The following FRMD4A variants were observed in gnomAD, a reference collection of about 807,000 sequenced individuals.
FRMD4A encodes FERM domain containing 4A.
Under a neutral mutation model 129.1 loss-of-function variants are expected in FRMD4A, and 29 were observed. The observed-to-expected ratio is 0.22, with a 90% CI of 0.17 to 0.31. The LOEUF is 0.31. Among genes scored for constraint, FRMD4A ranks in the 10% least tolerant of loss-of-function variants. The probability of loss-of-function intolerance (pLI) is 1.00; values close to 1 mark genes in which losing one functional copy is unlikely to be tolerated. For missense variants in FRMD4A, 1,272 were observed against 1,375.8 expected (o/e 0.92, Z 1.19); for synonymous variants, 634 against 571.6 (o/e 1.11, Z -1.56).
At chr10:14,317,161 A>G (rs1250980708) in intron 2 of FRMD4A, among the ~76,000 whole-genome samples, 1 of 152,172 alleles carries the variant, frequency 6.6e-6, no homozygotes, top group Non-Finnish European at 1.5e-5. Context: ...CCCACTTAAA[A>G]TCATTGATGA....
chr10:14,174,883 G>GTGTC (rs1285998692), intron 2 of FRMD4A, among the ~76,000 whole-genome samples: 2 of 41,830 alleles, frequency 4.8e-5, no homozygotes, highest in African/African-American at 9.8e-5. Flanking sequence ...GTGTGTCTGT[G>GTGTC]TGTGTGTGTG....
At chr10:13,692,320 G>A (rs1323647229) in intron 15 of FRMD4A, 1 of 151,862 alleles carries the variant, frequency 6.6e-6, no homozygotes, top group African/African-American at 2.4e-5. Flanking sequence ...GCTAATTTTT[G>A]TATTTTTAGT....
chr10:14,045,831 T>C (rs1833969802), intron 2 of FRMD4A, among the ~76,000 whole-genome samples: 1 of 146,112 alleles, frequency 6.8e-6, no homozygotes, highest in South Asian at 2.1e-4. Context: ...TATATATAAT[T>C]GCCTACAAAT....
At chr10:13,964,357 A>G (rs1390494409) in intron 2 of FRMD4A, among the ~76,000 whole-genome samples, 1 of 152,130 alleles carries the variant, frequency 6.6e-6, no homozygotes, top group Non-Finnish European at 1.5e-5. Flanking sequence ...TGTGTTTTAC[A>G]ACTTTGGGGC....
chr10:14,329,119 C>A (rs1214078641), intron 2 of FRMD4A, among the ~76,000 whole-genome samples: 4 of 152,214 alleles, frequency 2.6e-5, no homozygotes, highest in Admixed American at 6.5e-5. Context: ...ACTCATCAGG[C>A]CTTGCAAAGT....
intron 12 of FRMD4A, among the ~76,000 whole-genome samples, chr10:13,714,034 A>ATAAAATATATATTT (rs1222762910): frequency 0.018 from 193 of 10,904 alleles, 15 homozygotes; most frequent in Non-Finnish European, 0.023. Flanking sequence ...ATACATATAT[A>ATAAAATATATATTT]TATATATATA....
Position 13,654,488 on chromosome 10 carries a change from C to T in FRMD4A, c.2978G>A (p.Ser993Asn). 1 of 1,613,662 alleles carries T rather than the reference C, an allele frequency of 6.2e-7. No homozygotes were observed. The change falls in exon 23 of 25, where the codon AGC (serine) becomes AAC (asparagine). Residue 993 changes from serine (S) to asparagine (N), a missense_variant. Ser to Asn is a conservative substitution (Grantham distance 46). This residue lies in a region of FRMD4A where 972 missense variants were observed against 892.3 expected (regional missense o/e 1.09). Transcript: ENST00000357447. The stretch of plus-strand genomic sequence containing the variant: ...TCCAATTTCACTTGACGGTGTCGAG[C>T]TTCTCTGGCTTTGAGGTAAGGCAGC... ...TSAALPQSQR[S>N]STPSSEIGAT...
chr10:14,110,433 G>A (rs1837840746), intron 2 of FRMD4A, among the ~76,000 whole-genome samples: 1 of 152,122 alleles, frequency 6.6e-6, no homozygotes, highest in African/African-American at 2.4e-5. Flanking sequence ...TTTGAAAACA[G>A]CAAACTTGAG....
In FRMD4A at chr10:13,873,600, G is replaced by A. The variant is rs573935025; in HGVS notation, c.46-14688C>T. On this transcript the variant is annotated intron_variant, in intron 2 of 24. Transcript: ENST00000357447. The stretch of plus-strand genomic sequence containing the variant: ...CTCGCTCTTTCGCCCAGGCTGGAGT[G>A]CAATGGTACGATCTCAGCTCACTGC... 4.6e-5 allele frequency among the ~76,000 whole-genome samples: 7 copies of A among 152,310 alleles called. No homozygotes were observed. The South Asian group carries it at 1.4e-3, about 32-fold the overall frequency.
intron 2 of FRMD4A, among the ~76,000 whole-genome samples, chr10:13,926,862 C>A (rs1338987823): frequency 6.6e-6 from 1 of 152,204 alleles, no homozygotes. Flanking sequence ...GAATTTCTAT[C>A]TTTATTCCTA....
chr10:13,962,518 C>G (rs191008690), intron 2 of FRMD4A, among the ~76,000 whole-genome samples: 1 of 152,266 alleles, frequency 6.6e-6, no homozygotes, highest in Admixed American at 6.5e-5. Flanking sequence ...AAAATAGACT[C>G]TCTATTTAGT....
intron 2 of FRMD4A, among the ~76,000 whole-genome samples, chr10:13,991,034 A>G (rs2095601441): frequency 1.3e-5 from 2 of 152,190 alleles, no homozygotes; most frequent in South Asian, 4.1e-4. Context: ...ATGGAATTGA[A>G]CAATTATCCT....
At chr10:13,956,794 A>G (rs1211889895) in intron 2 of FRMD4A, among the ~76,000 whole-genome samples, 1 of 152,240 alleles carries the variant, frequency 6.6e-6, no homozygotes, top group African/African-American at 2.4e-5. Context: ...CAGCATTAAG[A>G]TTTCATAAAA....
At chr10:13,910,888 GAAAAAAAAA>G (rs141449954) in intron 2 of FRMD4A, among the ~76,000 whole-genome samples, 19 of 83,066 alleles carry the variant, frequency 2.3e-4, no homozygotes, top group African/African-American at 8.5e-4. Flanking sequence ...GGAGTTTCAT[GAAAAAAAAA>G]AAAAAAAAAA....
intron 5 of FRMD4A, among the ~76,000 whole-genome samples, chr10:13,794,391 C>CAAAAAAAAAAA (rs5783349): frequency 9.7e-6 from 1 of 102,950 alleles, no homozygotes; most frequent in African/African-American, 3.8e-5. Flanking sequence ...GAATCCGTCT[C>CAAAAAAAAAAA]AAAAAAAAAA....
intron 13 of FRMD4A, among the ~76,000 whole-genome samples, chr10:13,705,543 T>C (rs1589463665): frequency 6.6e-6 from 1 of 152,088 alleles, no homozygotes; most frequent in African/African-American, 2.4e-5. Flanking sequence ...TGTGGCAAAG[T>C]TCATTTCACT....
intron 2 of FRMD4A, among the ~76,000 whole-genome samples, chr10:13,899,964 G>C (rs2094800419): frequency 6.6e-6 from 1 of 152,174 alleles, no homozygotes; most frequent in Non-Finnish European, 1.5e-5. Context: ...CATTTTCTGT[G>C]TTTATAGTGA....
intron 2 of FRMD4A, among the ~76,000 whole-genome samples, chr10:14,211,017 G>A (rs530945214): frequency 2.6e-5 from 4 of 152,224 alleles, no homozygotes; most frequent in Non-Finnish European, 5.9e-5. Flanking sequence ...GTGAGCCACC[G>A]TGCTCAGCCA....
chr10:14,108,041 C>A (rs1363087154), intron 2 of FRMD4A, among the ~76,000 whole-genome samples: 1 of 152,178 alleles, frequency 6.6e-6, no homozygotes, highest in Non-Finnish European at 1.5e-5. Context: ...TTCATAGAAG[C>A]TGTACCTTCT....
Sources: allele counts gnomAD v4.1 joint callset (sites outside exome capture counted in the v4.1 genomes callset), GRCh38; gene constraint gnomAD v4.1.1; regional missense constraint gnomAD v4.1.1; transcripts MANE v1.5; gene names NCBI Gene and HGNC (gene_info 2026-07-23, HGNC 2026-07-21).